CSMD1: variants seen among roughly 807,000 people sequenced by gnomAD.
CSMD1 encodes the protein CUB and sushi domain-containing protein 1.
Under a neutral mutation model 417.5 loss-of-function variants are expected in CSMD1, and 213 were observed. The observed-to-expected ratio is 0.51, with a 90% CI of 0.46 to 0.57. The LOEUF (loss-of-function observed/expected upper bound fraction) is 0.57, where lower values mean the gene tolerates loss of function less well. Among genes scored for constraint, CSMD1 ranks in the 20% least tolerant of loss-of-function variants. CSMD1 has a pLI of 0.00. For synonymous variants in CSMD1, 2,862 were observed against 1,736.8 expected (o/e 1.65, Z -16.11); for missense variants, 6,923 against 4,529.7 (o/e 1.53, Z -15.17).
intron 10 of CSMD1, among the ~76,000 whole-genome samples, chr8:3,539,239 T>C (rs979414181): frequency 6.6e-6 from 1 of 152,176 alleles, no homozygotes; most frequent in African/African-American, 2.4e-5. Context: ...GTATCATTAA[T>C]CCTTCAGTCA....
rs149568519 is a variant in CSMD1 at position 3,649,838 on chromosome 8, C to A, written c.1010-33041G>T. On this transcript the variant is annotated intron_variant, in intron 7 of 69. Transcript: ENST00000635120. Reference sequence around the variant, plus strand: ...TATAAGTGGTCAGATTTTGCAATACCTTGCTAGATGTTTTCTCAATGTTTA... The same window carrying A: ...TATAAGTGGTCAGATTTTGCAATACATTGCTAGATGTTTTCTCAATGTTTA... 3.0e-3 allele frequency among the ~76,000 whole-genome samples: 450 copies of A among 152,262 alleles called. 1 individual carries two copies. Among genetic ancestry groups the A allele is most frequent in the Non-Finnish European group, 5.2e-3 (355 of 68,022 alleles).
chr8:3,781,869 G>A (rs1308645641), intron 5 of CSMD1, among the ~76,000 whole-genome samples: 4 of 151,896 alleles, frequency 2.6e-5, no homozygotes, highest in East Asian at 1.9e-4. Flanking sequence ...GCATTTTCCC[G>A]CTATTTTTTT....
chr8:4,448,327 T>A (rs760029828), intron 2 of CSMD1, among the ~76,000 whole-genome samples: 1 of 152,224 alleles, frequency 6.6e-6, no homozygotes, highest in Non-Finnish European at 1.5e-5. Context: ...GGAGGATTTT[T>A]AATTTAAAAA....
chr8:3,610,154 G>A (rs1356438389), intron 8 of CSMD1, among the ~76,000 whole-genome samples: 2 of 152,018 alleles, frequency 1.3e-5, no homozygotes, highest in Non-Finnish European at 2.9e-5. Flanking sequence ...AGTGTCATAA[G>A]GCATCCTTAC....
At chr8:3,135,177 A>G (rs901944304) in intron 41 of CSMD1, among the ~76,000 whole-genome samples, 1 of 152,178 alleles carries the variant, frequency 6.6e-6, no homozygotes, top group Non-Finnish European at 1.5e-5. Flanking sequence ...TGGCTTCCCA[A>G]AGTGCTGCAA....
chr8:4,692,985 C>A (rs1027644409), intron 1 of CSMD1, among the ~76,000 whole-genome samples: 1 of 152,160 alleles, frequency 6.6e-6, no homozygotes, highest in African/African-American at 2.4e-5. Flanking sequence ...TGCCATGGTT[C>A]CTGGAACAAA....
intron 47 of CSMD1, 126 bp from the exon 48 acceptor site, chr8:3,091,788 T>C (rs918260475): frequency 1.4e-6 from 1 of 740,640 alleles, no homozygotes; most frequent in Non-Finnish European, 2.0e-6. Flanking sequence ...ATTACAAAAG[T>C]GGACAACAAA....
At chr8:3,663,944 C>T (rs960259161) in intron 7 of CSMD1, among the ~76,000 whole-genome samples, 2 of 152,180 alleles carry the variant, frequency 1.3e-5, no homozygotes, top group African/African-American at 4.8e-5. Flanking sequence ...TTGGGGTTCA[C>T]AGAACCAAGG....
At chr8:4,312,119 C>G (rs560187964) in intron 3 of CSMD1, among the ~76,000 whole-genome samples, 1 of 151,946 alleles carries the variant, frequency 6.6e-6, no homozygotes, top group Non-Finnish European at 1.5e-5. Flanking sequence ...CAATACCCCC[C>G]TTTTAAAAAT....
intron 53 of CSMD1, 54 bp downstream of exon 53, chr8:2,999,904 G>T (rs1807246757): frequency 6.7e-7 from 1 of 1,499,502 alleles, no homozygotes; most frequent in Non-Finnish European, 9.1e-7. Flanking sequence ...AATAACAAAA[G>T]ACAATGTGGC....
chr8:4,974,673 G>C (rs758341407), intron 1 of CSMD1, among the ~76,000 whole-genome samples: 3 of 152,138 alleles, frequency 2.0e-5, no homozygotes, highest in Non-Finnish European at 4.4e-5. Context: ...ATAATGGTTA[G>C]ACTCAGAGAC....
intron 1 of CSMD1, among the ~76,000 whole-genome samples, chr8:4,825,001 A>G (rs1020772844): frequency 6.6e-6 from 1 of 152,136 alleles, no homozygotes; most frequent in Non-Finnish European, 1.5e-5. Context: ...ACCTGAATGC[A>G]CTGCCATGTT....
intron 10 of CSMD1, among the ~76,000 whole-genome samples, chr8:3,545,971 G>A (rs1180646975): frequency 1.3e-5 from 2 of 152,162 alleles, no homozygotes; most frequent in Non-Finnish European, 2.9e-5. Flanking sequence ...TAGCTCCTAA[G>A]CCAAACAATT....
intron 25 of CSMD1, among the ~76,000 whole-genome samples, chr8:3,294,642 G>C (rs540899776): frequency 6.6e-6 from 1 of 152,190 alleles, no homozygotes; most frequent in African/African-American, 2.4e-5. Flanking sequence ...TAATCTCCTG[G>C]TGTGCCGTTT....
chr8:4,077,786 C>G (rs1412388883), intron 3 of CSMD1, among the ~76,000 whole-genome samples: 2 of 152,144 alleles, frequency 1.3e-5, no homozygotes, highest in African/African-American at 4.8e-5. Flanking sequence ...TCAGCTCATT[C>G]CAAAAGTTGT....
chr8:3,808,291 G>C (rs549273083), intron 5 of CSMD1, among the ~76,000 whole-genome samples: 1 of 151,904 alleles, frequency 6.6e-6, no homozygotes, highest in African/African-American at 2.4e-5. Flanking sequence ...TTTCATTGTT[G>C]TTCTTTTTAT....
chr8:3,426,467 A>C (rs905896165), intron 12 of CSMD1, among the ~76,000 whole-genome samples: 1 of 152,178 alleles, frequency 6.6e-6, no homozygotes, highest in Admixed American at 6.5e-5. Flanking sequence ...TTAATGGAAA[A>C]GGAAGCTGGA....
chr8:3,347,938 G>C, intron 22 of CSMD1, 54 bp downstream of exon 22: 2 of 1,261,090 alleles, frequency 1.6e-6, no homozygotes, highest in Non-Finnish European at 2.2e-6. Context: ...GATAGACAAT[G>C]TATTTTTTGA....
At chr8:4,816,560 A>G (rs1474962023) in intron 1 of CSMD1, among the ~76,000 whole-genome samples, 1 of 152,102 alleles carries the variant, frequency 6.6e-6, no homozygotes, top group Non-Finnish European at 1.5e-5. Flanking sequence ...TTCATTCAAC[A>G]CAGATTTTAA....
Sources: gnomAD v4.1 joint callset for allele counts (sites outside exome capture counted in the v4.1 genomes callset) on GRCh38, gnomAD v4.1.1 for gene constraint, MANE v1.5 for transcripts, NCBI Gene and HGNC (gene_info 2026-07-23, HGNC 2026-07-21) for gene names.